The following POLR1D variants were observed in gnomAD, a reference collection of about 807,000 sequenced individuals.
POLR1D encodes DNA-directed RNA polymerases I and III subunit RPAC2.
POLR1D carries 8 observed loss-of-function variants against 10.8 expected under a neutral mutation model. The observed-to-expected ratio is 0.74, with a 90% CI of 0.43 to 1.33. POLR1D has a LOEUF of 1.33. POLR1D is among the 40% of genes most tolerant of loss of function. POLR1D has a pLI of 0.01. For missense variants in POLR1D, 152 were observed against 161.7 expected (o/e 0.94, Z 0.32); for synonymous variants, 54 against 57.2 (o/e 0.94, Z 0.25).
chr13:27,652,827 A>G (rs1204589712), intron 2 of POLR1D, among the ~76,000 whole-genome samples: 2 of 139,874 alleles, frequency 1.4e-5, no homozygotes, highest in Non-Finnish European at 3.1e-5. Flanking sequence ...AGATCACACC[A>G]CTGCACTCCA....
chr13:27,667,150 G>A (rs9273), exon 3 of POLR1D: 39,652 of 152,034 alleles, frequency 0.26, 5,347 homozygotes, highest in East Asian at 0.4. Context: ...GGAGTGACAA[G>A]CCCAAGTCAT....
intron 1 of POLR1D, among the ~76,000 whole-genome samples, chr13:27,647,750 T>C (rs1286188997): frequency 6.6e-6 from 1 of 152,214 alleles, no homozygotes; most frequent in Admixed American, 6.5e-5. Context: ...TTTTCTGTTT[T>C]TTCTTTAATT....
chr13:27,629,166 T>A (rs1255200117), intron 1 of POLR1D, among the ~76,000 whole-genome samples: 1 of 152,162 alleles, frequency 6.6e-6, no homozygotes, highest in East Asian at 1.9e-4. Flanking sequence ...ATGTGTGGAA[T>A]CTTGGGTATC....
chr13:27,648,420 A>C (rs1956238781), exon 2 of POLR1D: 1 of 1,611,178 alleles, frequency 6.2e-7, no homozygotes, highest in Non-Finnish European at 8.5e-7. Context: ...AAACGTGGGA[A>C]AACTAGAGCT....
intron 1 of POLR1D, among the ~76,000 whole-genome samples, chr13:27,636,585 G>A (rs201398723): frequency 6.6e-6 from 1 of 152,152 alleles, no homozygotes; most frequent in Non-Finnish European, 1.5e-5. Context: ...AGAGAGAATT[G>A]TAAATTTAGG....
At chr13:27,629,467 T>C (rs1196704968) in intron 1 of POLR1D, among the ~76,000 whole-genome samples, 2 of 152,242 alleles carry the variant, frequency 1.3e-5, no homozygotes, top group African/African-American at 4.8e-5. Flanking sequence ...GTTATTATTG[T>C]AATATCATTG....
intron 1 of POLR1D, among the ~76,000 whole-genome samples, chr13:27,645,450 T>A (rs1186202788): frequency 1.3e-5 from 2 of 152,186 alleles, no homozygotes; most frequent in African/African-American, 2.4e-5. Flanking sequence ...TTAGCAGTGT[T>A]ACTTTGGGCA....
chr13:27,663,278 T>C lies in POLR1D; in HGVS notation c.102-2408T>C, dbSNP rs1416467038. ...ATCACTTCTAAAATGTGTACTGGCATGCCTGGGAGATGTCTGACTTTCAAA... is the reference window on the plus strand; with the variant it reads ...ATCACTTCTAAAATGTGTACTGGCACGCCTGGGAGATGTCTGACTTTCAAA... On this transcript the variant is annotated intron_variant, in intron 2 of 2. Transcript: ENST00000399697. This position sits in a 1 kb window ranked among gnomAD's most constrained non-coding sequence, Gnocchi z 4.1. Among the ~76,000 whole-genome samples the C allele has an allele frequency of 6.6e-6, 1 of 152,222 alleles. No homozygotes were observed. The highest frequency in any genetic ancestry group is 1.5e-5 in the Non-Finnish European group (1 of 68,038).
At chr13:27,640,048 C>T (rs1376851503) in intron 1 of POLR1D, among the ~76,000 whole-genome samples, 1 of 152,094 alleles carries the variant, frequency 6.6e-6, no homozygotes, top group Non-Finnish European at 1.5e-5. Context: ...CTTATATTCT[C>T]CTTATTTCCT....
chr13:27,631,680 T>C (rs565366929), intron 1 of POLR1D, among the ~76,000 whole-genome samples: 99 of 152,340 alleles, frequency 6.5e-4, no homozygotes, highest in African/African-American at 2.3e-3. Context: ...TTGAAAAATA[T>C]CTCCTTGGCG....
rs1047574120 is a variant in POLR1D, at chr13:27,622,182, A to C, written c.26+173A>C. ...TGTTTCAGTTGAGAGGCTGAGAGGTACACTAGCTATCAAGGAGGGAAGACA... is the reference window on the plus strand; with the variant it reads ...TGTTTCAGTTGAGAGGCTGAGAGGTCCACTAGCTATCAAGGAGGGAAGACA... On this transcript the variant is annotated intron_variant, in intron 1 of 1. Transcript: ENST00000302979. 1.2e-5 allele frequency: 8 copies of C among 649,632 alleles called. No individual in the cohort carries two copies. The African/African-American group carries it at 1.4e-4, about 12-fold the overall frequency. The allele number at this position is 649,632 out of a possible 1,614,324, so 40.2% of individuals were successfully genotyped here.
chr13:27,628,581 A>G (rs909017888), intron 1 of POLR1D, among the ~76,000 whole-genome samples: 1 of 152,220 alleles, frequency 6.6e-6, no homozygotes, highest in Non-Finnish European at 1.5e-5. Flanking sequence ...TTATTCAGCA[A>G]TGAAAGAAAA....
At chr13:27,630,163 C>T (rs984983554) in intron 1 of POLR1D, among the ~76,000 whole-genome samples, 21 of 152,162 alleles carry the variant, frequency 1.4e-4, no homozygotes, top group Admixed American at 7.2e-4. Flanking sequence ...CGCCCGCCTC[C>T]GGCTCCCAAA....
At chr13:27,622,074 ACGCTGCCTG>A in intron 1 of POLR1D, 65 bp downstream of exon 1, 1 of 1,431,390 alleles carries the variant, frequency 7.0e-7, no homozygotes, top group Non-Finnish European at 9.7e-7. Flanking sequence ...GCCGAGGGGC[ACGCTGCCTG>A]GCCTGGCAGC....
intron 1 of POLR1D, among the ~76,000 whole-genome samples, chr13:27,643,026 T>C (rs1386505309): frequency 6.6e-6 from 1 of 152,192 alleles, no homozygotes; most frequent in Non-Finnish European, 1.5e-5. Flanking sequence ...CCTTTTCTCA[T>C]GACTTTCTGT....
chr13:27,645,748 T>A (rs760624472), intron 1 of POLR1D, among the ~76,000 whole-genome samples: 6 of 152,142 alleles, frequency 3.9e-5, no homozygotes, highest in Non-Finnish European at 7.3e-5. Context: ...CCTTTTATGG[T>A]CCTCCATCCT....
At chr13:27,622,811 AG>A (rs1279950810) in intron 1 of POLR1D, 63 bp from the exon 2 acceptor site, 4 of 1,032,388 alleles carry the variant, frequency 3.9e-6, no homozygotes, top group Non-Finnish European at 6.0e-6. Context: ...ATAGTAAATG[AG>A]AAAAAGCTAG....
Position 27,632,339 on chromosome 13 carries a change from C to G in POLR1D, c.26+10330C>G, listed in dbSNP as rs1030916225. Reference sequence around the variant, plus strand: ...AAGTGGAATTGAAAGGATTTGATTCCAAGGTATGCTGTTTTTTCAATGCCG... The same window carrying G: ...AAGTGGAATTGAAAGGATTTGATTCGAAGGTATGCTGTTTTTTCAATGCCG... On this transcript the variant is annotated intron_variant, in intron 1 of 2. Coordinates refer to the POLR1D transcript ENST00000399697. Among the ~76,000 whole-genome samples the G allele has an allele frequency of 2.0e-5, 3 of 152,176 alleles. No homozygotes were observed. The East Asian group carries it at 5.8e-4, about 29-fold the overall frequency.
intron 1 of POLR1D, among the ~76,000 whole-genome samples, chr13:27,642,995 GTTC>G (rs1157901666): frequency 6.6e-6 from 1 of 152,076 alleles, no homozygotes; most frequent in Non-Finnish European, 1.5e-5. Context: ...ACCAGCATAA[GTTC>G]TTCTTAAAAA....
Sources: gnomAD v4.1 joint callset for allele counts (sites outside exome capture counted in the v4.1 genomes callset) on GRCh38, gnomAD v4.1.1 for gene constraint, Gnocchi (gnomAD v3.1) non-coding constraint, MANE v1.5 for transcripts, NCBI Gene and HGNC (gene_info 2026-07-23, HGNC 2026-07-21) for gene names.